SKAP2: variants seen among roughly 807,000 people sequenced by gnomAD.
SKAP2 encodes the protein src kinase-associated phosphoprotein 2.
In SKAP2, 28 loss-of-function variants were observed where a neutral mutation model predicts 54.9. The observed-to-expected ratio is 0.51, with a 90% CI of 0.38 to 0.70. The LOEUF (loss-of-function observed/expected upper bound fraction) is 0.70, where lower values mean the gene tolerates loss of function less well. Among genes scored for constraint, SKAP2 ranks in the 30% least tolerant of loss-of-function variants. The probability of loss-of-function intolerance (pLI) is 0.00; values close to 1 mark genes in which losing one functional copy is unlikely to be tolerated. For synonymous variants in SKAP2, 137 were observed against 134.3 expected (o/e 1.02, Z -0.14); for missense variants, 356 against 424.1 (o/e 0.84, Z 1.41).
chr7:26,826,118 T>TATACACACACACACACACAC (rs775976113), intron 4 of SKAP2, among the ~76,000 whole-genome samples: 79 of 150,134 alleles, frequency 5.3e-4, no homozygotes, highest in African/African-American at 1.9e-3. Context: ...ATTCGTGCAA[T>TATACACACACACACACACAC]ACACACACAC....
intron 4 of SKAP2, chr7:26,746,611 CATACCTTTT>C (rs1453832150): frequency 3.4e-5 from 5 of 146,372 alleles, no homozygotes; most frequent in Non-Finnish European, 6.0e-5. Context: ...ATCTCAGTTC[CATACCTTTT>C]TTTTTTTTTT....
the SKAP2 span, among the ~76,000 whole-genome samples, chr7:26,655,478 A>T: frequency 6.6e-6 from 1 of 152,202 alleles, no homozygotes; most frequent in Non-Finnish European, 1.5e-5. Flanking sequence ...TGAAAAAAAT[A>T]AATTTCCCTC....
intron 1 of SKAP2, among the ~76,000 whole-genome samples, chr7:26,856,722 G>A (rs1157995067): frequency 6.6e-6 from 1 of 152,112 alleles, no homozygotes; most frequent in African/African-American, 2.4e-5. Context: ...CTGCTGATTC[G>A]TCTTCCAACC....
chr7:26,729,303 G>C (rs1169297161), intron 6 of SKAP2, among the ~76,000 whole-genome samples: 3 of 152,106 alleles, frequency 2.0e-5, no homozygotes, highest in Non-Finnish European at 4.4e-5. Flanking sequence ...ACATGTACTT[G>C]TTCGAGGATA....
chr7:26,760,606 G>A (rs543146030), intron 4 of SKAP2, among the ~76,000 whole-genome samples: 1 of 152,034 alleles, frequency 6.6e-6, no homozygotes, highest in Non-Finnish European at 1.5e-5. Flanking sequence ...AATAAATACT[G>A]TAATAAAAGT....
intron 3 of SKAP2, among the ~76,000 whole-genome samples, chr7:26,846,078 T>G (rs1329243682): frequency 2.0e-5 from 3 of 152,206 alleles, no homozygotes; most frequent in African/African-American, 7.2e-5. Flanking sequence ...AAATTCTCAG[T>G]TACTCTTAGT....
chr7:26,723,451 G>T (rs1318695408), intron 9 of SKAP2, among the ~76,000 whole-genome samples: 1 of 152,070 alleles, frequency 6.6e-6, no homozygotes, highest in African/African-American at 2.4e-5. Flanking sequence ...CAGGGGAAAA[G>T]AAATTCCAGG....
chr7:26,832,949 AG>A (rs1205086443), intron 4 of SKAP2, among the ~76,000 whole-genome samples: 1 of 152,154 alleles, frequency 6.6e-6, no homozygotes, highest in African/African-American at 2.4e-5. Context: ...CTGGCAGTAA[AG>A]GCTTGTGTAT....
At chr7:26,703,134 C>T (rs115247782) in intron 9 of SKAP2, among the ~76,000 whole-genome samples, 1 of 152,202 alleles carries the variant, frequency 6.6e-6, no homozygotes, top group African/African-American at 2.4e-5. Context: ...TTCGAAGGCA[C>T]AGGTGTCCAA....
At chr7:26,778,594 A>C (rs987095304) in intron 4 of SKAP2, among the ~76,000 whole-genome samples, 1 of 152,042 alleles carries the variant, frequency 6.6e-6, no homozygotes, top group Non-Finnish European at 1.5e-5. Flanking sequence ...GGTCAAAGTC[A>C]TTAGTTCAGG....
chr7:26,681,696 C>A (rs1786504113), intron 11 of SKAP2, among the ~76,000 whole-genome samples: 1 of 152,072 alleles, frequency 6.6e-6, no homozygotes, highest in Admixed American at 6.5e-5. Flanking sequence ...TCTTTAAAAT[C>A]TTTTAAATGG....
the SKAP2 span, among the ~76,000 whole-genome samples, chr7:26,657,730 TCCCCGCCCC>T: frequency 1.6e-4 from 8 of 49,434 alleles, no homozygotes; most frequent in African/African-American, 7.3e-4. Flanking sequence ...AAAAAAAAAA[TCCCCGCCCC>T]CCCCGCCCCA....
intron 4 of SKAP2, among the ~76,000 whole-genome samples, chr7:26,828,764 C>A (rs1784545082): frequency 6.6e-6 from 1 of 151,572 alleles, no homozygotes; most frequent in African/African-American, 2.4e-5. Flanking sequence ...CGGTGGCTCA[C>A]ACCTGTAATC....
At chr7:26,777,049 C>T (rs1225951049) in intron 4 of SKAP2, among the ~76,000 whole-genome samples, 1 of 152,064 alleles carries the variant, frequency 6.6e-6, no homozygotes, top group Non-Finnish European at 1.5e-5. Flanking sequence ...GTAGCTGGGA[C>T]TTCCAGGAGG....
At chr7:26,702,459 T>C (rs1787050830) in intron 9 of SKAP2, among the ~76,000 whole-genome samples, 1 of 152,102 alleles carries the variant, frequency 6.6e-6, no homozygotes, top group African/African-American at 2.4e-5. Context: ...GAACCGTATC[T>C]CAAGAAAGAA....
Position 26,739,984 on chromosome 7 carries a change from G to T in SKAP2, c.308-20C>A. On this transcript the variant is annotated intron_variant, in intron 4 of 12. Transcript: ENST00000345317. The stretch of plus-strand genomic sequence containing the variant: ...GGGCTCCTATGAGAAGTTGGGGAGA[G>T]AAAAAAAAAAGCAGTGGGTAATCCA... The T allele has an allele frequency of 1.5e-6, 2 of 1,339,300 alleles. No individual in the cohort carries two copies. The highest frequency in any genetic ancestry group is 2.0e-6 in the Non-Finnish European group (2 of 990,766). The allele number at this position is 1,339,300 out of a possible 1,614,324, so 83.0% of individuals were successfully genotyped here.
intron 4 of SKAP2, among the ~76,000 whole-genome samples, chr7:26,769,102 G>A (rs4722638): frequency 0.036 from 5,553 of 152,198 alleles, 337 homozygotes; most frequent in African/African-American, 0.13. Flanking sequence ...CTAATCAAAC[G>A]TAGGTTTGGT....
Position 26,864,479 on chromosome 7 carries a change from C to T in SKAP2, c.-50G>A, listed in dbSNP as rs1785334199. ...GAAAGGACCTGCGCTGAAAAGGTGA[C>T]CGACGGGGTGGGGCTGCGGCTGCGA... On this transcript the variant is annotated 5_prime_UTR_variant, in exon 1 of 13. Transcript: ENST00000345317. 1.3e-6 allele frequency: 2 copies of T among 1,553,794 alleles called. No homozygotes were observed. Among genetic ancestry groups the T allele is most frequent in the East Asian group, 2.3e-5 (1 of 42,728 alleles).
At chr7:26,743,351 G>C (rs552823856) in intron 4 of SKAP2, among the ~76,000 whole-genome samples, 19 of 152,058 alleles carry the variant, frequency 1.2e-4, no homozygotes, top group East Asian at 1.9e-4. Flanking sequence ...TAATGTAAAC[G>C]TAAGACTATG....
Sources: gnomAD v4.1 joint callset for allele counts (sites outside exome capture counted in the v4.1 genomes callset) on GRCh38, gnomAD v4.1.1 for gene constraint, MANE v1.5 for transcripts, NCBI Gene and HGNC (gene_info 2026-07-23, HGNC 2026-07-21) for gene names.